Variants in CFAP299 observed in about 807,000 individuals in gnomAD.
CFAP299 encodes the protein cilia- and flagella-associated protein 299.
Under a neutral mutation model 27.0 loss-of-function variants are expected in CFAP299, and 21 were observed. The ratio of observed to expected loss-of-function variants is 0.78; its 90% confidence interval spans 0.55 to 1.12. The LOEUF is 1.12. CFAP299 is among the 50% of genes most tolerant of loss of function. The pLI is 0.00. For synonymous variants in CFAP299, 104 were observed against 98.1 expected (o/e 1.06, Z -0.36); for missense variants, 310 against 276.6 (o/e 1.12, Z -0.86).
chr4:80,413,210 G>C (rs1002897899), intron 2 of CFAP299, among the ~76,000 whole-genome samples: 2 of 152,308 alleles, frequency 1.3e-5, no homozygotes, highest in South Asian at 4.1e-4. Context: ...AGCAAGTACA[G>C]ATCAAAGTGT....
intron 3 of CFAP299, among the ~76,000 whole-genome samples, chr4:80,859,862 C>T (rs1047992118): frequency 6.6e-6 from 1 of 152,244 alleles, no homozygotes; most frequent in Non-Finnish European, 1.5e-5. Flanking sequence ...TTCATTTCAA[C>T]GTTGGTGAAT....
chr4:80,337,402 T>A (rs1578327373), intron 1 of CFAP299, among the ~76,000 whole-genome samples: 1 of 151,954 alleles, frequency 6.6e-6, no homozygotes, highest in Middle Eastern at 3.4e-3. Flanking sequence ...ATCAGAATTT[T>A]TTTTTTTTTT....
intron 3 of CFAP299, among the ~76,000 whole-genome samples, chr4:80,605,834 T>A (rs1317829883): frequency 4.6e-5 from 7 of 152,208 alleles, no homozygotes; most frequent in Non-Finnish European, 7.4e-5. Context: ...ATTATTTTTA[T>A]TAACACTTAA....
chr4:80,614,291 T>G (rs948690878), intron 3 of CFAP299, among the ~76,000 whole-genome samples: 1 of 152,098 alleles, frequency 6.6e-6, no homozygotes, highest in Non-Finnish European at 1.5e-5. Context: ...AAATAGAAAA[T>G]ATGTTCCTGA....
rs116221462 is a variant in CFAP299 at position 80,506,066 on chromosome 4, C to T, written c.243-77027C>T. On this transcript the variant is annotated intron_variant, in intron 2 of 5. Transcript: ENST00000358105. ...ATTTATGTTCCCAGATTAATTTGAA[C>T]GTGCTTATTTTGTCCCTTTTTTTCT... Among the ~76,000 whole-genome samples, 1,004 of 151,414 alleles carry T rather than the reference C, an allele frequency of 6.6e-3. 12 individuals carry two copies. Among genetic ancestry groups the T allele is most frequent in the African/African-American group, 0.023 (959 of 41,264 alleles).
At chr4:80,388,538 T>C (rs1725153916) in intron 2 of CFAP299, 1 of 1,455,876 alleles carries the variant, frequency 6.9e-7, no homozygotes, top group African/African-American at 1.4e-5. Flanking sequence ...GTTGAATTGC[T>C]TCTTACACTT....
chr4:80,488,690 A>C (rs1160599735), intron 2 of CFAP299, among the ~76,000 whole-genome samples: 1 of 152,066 alleles, frequency 6.6e-6, no homozygotes, highest in Admixed American at 6.5e-5. Flanking sequence ...GTTAGCCAGG[A>C]TGGTCTCGAT....
chr4:80,760,030 G>C (rs183705415), intron 3 of CFAP299, among the ~76,000 whole-genome samples: 2 of 151,864 alleles, frequency 1.3e-5, no homozygotes, highest in East Asian at 1.9e-4. Flanking sequence ...ATTTTATTTA[G>C]CTTACTTTGA....
chr4:80,700,031 T>A (rs1721372144), intron 3 of CFAP299, among the ~76,000 whole-genome samples: 1 of 152,170 alleles, frequency 6.6e-6, no homozygotes, highest in African/African-American at 2.4e-5. Context: ...GAGATCTATT[T>A]GGTAGGTAAA....
intron 2 of CFAP299, among the ~76,000 whole-genome samples, chr4:80,566,133 C>G (rs1735271549): frequency 6.6e-6 from 1 of 152,070 alleles, no homozygotes; most frequent in Non-Finnish European, 1.5e-5. Flanking sequence ...CCATAGAAGT[C>G]TAGGATACTT....
chr4:80,362,980 G>C (rs1486835064), intron 2 of CFAP299, 96 bp downstream of exon 2: 1 of 1,347,640 alleles, frequency 7.4e-7, no homozygotes. Context: ...GAAGCACTGG[G>C]TGGAGCAGGT....
At chr4:80,541,091 C>A (rs1029947943) in intron 2 of CFAP299, among the ~76,000 whole-genome samples, 1 of 151,794 alleles carries the variant, frequency 6.6e-6, no homozygotes, top group Non-Finnish European at 1.5e-5. Context: ...ATATATTTTT[C>A]GTTTTACAAG....
chr4:80,909,711 C>T (rs1312598352), intron 4 of CFAP299, among the ~76,000 whole-genome samples: 1 of 151,674 alleles, frequency 6.6e-6, no homozygotes, highest in Non-Finnish European at 1.5e-5. Context: ...AAACTCTTCT[C>T]CTTTACAAAT....
At chr4:80,473,766 ATT>A (rs1458563898) in intron 2 of CFAP299, among the ~76,000 whole-genome samples, 1 of 151,802 alleles carries the variant, frequency 6.6e-6, no homozygotes, top group Admixed American at 6.6e-5. Context: ...TGTTTTTTAA[ATT>A]TTTTGTAGAG....
At chr4:80,445,379 A>G (rs972559283) in intron 2 of CFAP299, among the ~76,000 whole-genome samples, 1 of 152,238 alleles carries the variant, frequency 6.6e-6, no homozygotes, top group Non-Finnish European at 1.5e-5. Flanking sequence ...TTGCAGGGAC[A>G]TGGATGAAGC....
At chr4:80,580,363 A>G (rs924219491) in intron 2 of CFAP299, among the ~76,000 whole-genome samples, 1 of 152,058 alleles carries the variant, frequency 6.6e-6, no homozygotes, top group African/African-American at 2.4e-5. Flanking sequence ...ACTGTTGCCC[A>G]AGTGAAAGTT....
chr4:80,734,307 T>C (rs1222493960), intron 3 of CFAP299, among the ~76,000 whole-genome samples: 1 of 152,192 alleles, frequency 6.6e-6, no homozygotes, highest in Non-Finnish European at 1.5e-5. Flanking sequence ...CATTTCTTAA[T>C]TATATTATTA....
intron 2 of CFAP299, among the ~76,000 whole-genome samples, chr4:80,379,415 TTTA>T (rs1285334009): frequency 6.6e-6 from 1 of 151,886 alleles, no homozygotes; most frequent in Non-Finnish European, 1.5e-5. Flanking sequence ...TGCTCTTATT[TTTA>T]TTATTTCTTC....
chr4:80,730,646 A>G (rs1051069594), intron 3 of CFAP299, among the ~76,000 whole-genome samples: 3 of 152,220 alleles, frequency 2.0e-5, no homozygotes, highest in Non-Finnish European at 4.4e-5. Context: ...CTTGACTACA[A>G]TCTCATTAGG....
Sources: allele counts gnomAD v4.1 joint callset (sites outside exome capture counted in the v4.1 genomes callset), GRCh38; gene constraint gnomAD v4.1.1; transcripts MANE v1.5; gene names NCBI Gene and HGNC (gene_info 2026-07-23, HGNC 2026-07-21).